SLC15A5: variants seen among roughly 807,000 people sequenced by gnomAD.
SLC15A5 encodes the protein solute carrier family 15 member 5.
A neutral mutation model predicts 56.1 loss-of-function variants in SLC15A5; 58 were observed. That is an observed-to-expected ratio of 1.03 (90% CI 0.84 to 1.29). The LOEUF (loss-of-function observed/expected upper bound fraction) is 1.29, where lower values mean the gene tolerates loss of function less well. SLC15A5 is among the 50% of genes most tolerant of loss of function. SLC15A5 has a pLI of 0.00. For synonymous variants in SLC15A5, 264 were observed against 250.5 expected (o/e 1.05, Z -0.51); for missense variants, 681 against 672.1 (o/e 1.01, Z -0.15).
rs185822738 is a variant in SLC15A5 at position 16,201,981 on chromosome 12, A to G, written c.1484-7528T>C. Among the ~76,000 whole-genome samples, 517 of 152,286 alleles carry G rather than the reference A, an allele frequency of 3.4e-3. 4 individuals carry two copies. The highest frequency in any genetic ancestry group is 0.012 in the African/African-American group (489 of 41,574). On this transcript the variant is annotated intron_variant, in intron 7 of 8. Coordinates refer to ENST00000344941, the MANE Select transcript of SLC15A5 (RefSeq NM_001170798.1). ...AACTCCAAATAGATTAAAGGCCTCA[A>G]TGCAAGACATGAAACTGTAAAACTA...
rs1232814072 is a variant in SLC15A5 at position 16,267,289 on chromosome 12, C to G, written c.584+5272G>C. On this transcript the variant is annotated intron_variant, in intron 2 of 8. Transcript: ENST00000344941. ...TTTGTGACTCTTCAGTGGGATAAAA[C>G]TGAACTGTTTAGAGGAGTCAGTGAA... Among the ~76,000 whole-genome samples, 3 of 64,166 alleles carry G rather than the reference C, an allele frequency of 4.7e-5. 1 individual carries two copies. Among genetic ancestry groups the G allele is most frequent in the African/African-American group, 1.9e-4 (3 of 15,866 alleles). The allele number at this position is 64,166 out of a possible 152,430, so 42.1% of individuals were successfully genotyped here.
At chr12:16,261,734 C>G (rs1479086528) in intron 2 of SLC15A5, among the ~76,000 whole-genome samples, 1 of 152,152 alleles carries the variant, frequency 6.6e-6, no homozygotes, top group Non-Finnish European at 1.5e-5. Flanking sequence ...CCTGCCAAAA[C>G]TTGGTATACT....
chr12:16,194,733 A>G (rs1355640068), intron 7 of SLC15A5, among the ~76,000 whole-genome samples: 1 of 152,064 alleles, frequency 6.6e-6, no homozygotes, highest in Non-Finnish European at 1.5e-5. Flanking sequence ...AATCCTGACT[A>G]TTCCATTAAC....
At chr12:16,230,525 T>C (rs142660784) in intron 5 of SLC15A5, among the ~76,000 whole-genome samples, 1 of 152,192 alleles carries the variant, frequency 6.6e-6, no homozygotes, top group Admixed American at 6.5e-5. Flanking sequence ...TAGAATGATG[T>C]TAAATTATTC....
At chr12:16,236,887 C>T (rs1380369932) in intron 5 of SLC15A5, among the ~76,000 whole-genome samples, 1 of 152,126 alleles carries the variant, frequency 6.6e-6, no homozygotes, top group South Asian at 2.1e-4. Flanking sequence ...CTAACAGCTA[C>T]GTTTAGCCGC....
At chr12:16,214,948 T>C (rs1015485670) in intron 7 of SLC15A5, among the ~76,000 whole-genome samples, 1 of 151,958 alleles carries the variant, frequency 6.6e-6, no homozygotes, top group African/African-American at 2.4e-5. Context: ...CTCACGCCTG[T>C]AATCCCAGCA....
intron 8 of SLC15A5, among the ~76,000 whole-genome samples, chr12:16,190,294 C>A (rs1438514910): frequency 6.6e-6 from 1 of 152,084 alleles, no homozygotes; most frequent in African/African-American, 2.4e-5. Context: ...AAGTACCAGC[C>A]CCATGCAAGG....
chr12:16,238,629 CA>C (rs36053667), intron 5 of SLC15A5, among the ~76,000 whole-genome samples: 1,670 of 115,976 alleles, frequency 0.014, 19 homozygotes, highest in Non-Finnish European at 0.019. Flanking sequence ...GACTCCGTCT[CA>C]AAAAAAAAAA....
intron 7 of SLC15A5, among the ~76,000 whole-genome samples, chr12:16,210,186 G>A (rs182479514): frequency 6.6e-6 from 1 of 152,180 alleles, no homozygotes; most frequent in Non-Finnish European, 1.5e-5. Flanking sequence ...AAGCTAAATT[G>A]CACTCATCTT....
rs572362096 is a variant in SLC15A5, at chr12:16,273,465, C to T, written c.362-682G>A. 6.6e-5 allele frequency among the ~76,000 whole-genome samples: 10 copies of T among 152,134 alleles called. No homozygotes were observed. In the South Asian group the frequency reaches 2.1e-3, roughly 32 times the overall value. On this transcript the variant is annotated intron_variant, in intron 1 of 8. Coordinates refer to ENST00000344941, the MANE Select transcript of SLC15A5 (RefSeq NM_001170798.1). ...GAGTATCCTTCTCTCTTCCACCTTGCAGGGACCACACTTGATGACTTTCCT... is the reference window on the plus strand; with the variant it reads ...GAGTATCCTTCTCTCTTCCACCTTGTAGGGACCACACTTGATGACTTTCCT...
At chr12:16,252,998 C>T (rs1331969075) in intron 3 of SLC15A5, among the ~76,000 whole-genome samples, 3 of 151,722 alleles carry the variant, frequency 2.0e-5, no homozygotes, top group South Asian at 2.1e-4. Context: ...CACATGTTGG[C>T]GAATAATTTT....
At chr12:16,262,271 T>G (rs1039683177) in intron 2 of SLC15A5, among the ~76,000 whole-genome samples, 6 of 152,258 alleles carry the variant, frequency 3.9e-5, no homozygotes, top group Non-Finnish European at 7.3e-5. Flanking sequence ...ATCATTTTCT[T>G]GTTAATGCAG....
At chr12:16,214,896 G>C (rs1373418577) in intron 7 of SLC15A5, among the ~76,000 whole-genome samples, 1 of 151,982 alleles carries the variant, frequency 6.6e-6, no homozygotes, top group Admixed American at 6.6e-5. Flanking sequence ...CAAACTTGTG[G>C]CTAGTATCTA....
intron 4 of SLC15A5, 59 bp from the exon 5 acceptor site, chr12:16,239,926 A>G (rs959785781): frequency 3.5e-6 from 5 of 1,441,808 alleles, no homozygotes; most frequent in Admixed American, 2.2e-5. Flanking sequence ...TGAAGAAAGC[A>G]TCGTCCACCA....
intron 7 of SLC15A5, among the ~76,000 whole-genome samples, chr12:16,209,364 C>T (rs959536342): frequency 6.6e-6 from 1 of 152,042 alleles, no homozygotes; most frequent in African/African-American, 2.4e-5. Context: ...AGTTCCTTTC[C>T]ATCCAACCTC....
At chr12:16,276,659 A>G (rs937637006) in intron 1 of SLC15A5, among the ~76,000 whole-genome samples, 4 of 152,002 alleles carry the variant, frequency 2.6e-5, no homozygotes, top group Admixed American at 6.6e-5. Flanking sequence ...TCAGTTTAAA[A>G]TTCTAGTCTG....
intron 3 of SLC15A5, among the ~76,000 whole-genome samples, chr12:16,252,788 A>G (rs1278535660): frequency 6.6e-6 from 1 of 152,116 alleles, no homozygotes; most frequent in Non-Finnish European, 1.5e-5. Flanking sequence ...TTTTTGCAGA[A>G]ATAGAAAAAA....
intron 8 of SLC15A5, among the ~76,000 whole-genome samples, chr12:16,193,432 A>G (rs3847918): frequency 0.48 from 73,145 of 151,760 alleles, 18,108 homozygotes; most frequent in South Asian, 0.72. Context: ...CTTTATTGAC[A>G]TACTGACTTT....
chr12:16,214,887 A>C (rs1864115012), intron 7 of SLC15A5, among the ~76,000 whole-genome samples: 1 of 152,238 alleles, frequency 6.6e-6, no homozygotes, highest in South Asian at 2.1e-4. Context: ...AGGAATCTCC[A>C]AACTTGTGGC....
Sources: allele counts gnomAD v4.1 joint callset (sites outside exome capture counted in the v4.1 genomes callset), GRCh38; gene constraint gnomAD v4.1.1; transcripts MANE v1.5; gene names NCBI Gene and HGNC (gene_info 2026-07-23, HGNC 2026-07-21).